FAM53B: variants seen among roughly 807,000 people sequenced by gnomAD.
The protein encoded by FAM53B is protein FAM53B.
Under a neutral mutation model 32.7 loss-of-function variants are expected in FAM53B, and 12 were observed. That is an observed-to-expected ratio of 0.37 (90% CI 0.24 to 0.59). The LOEUF (loss-of-function observed/expected upper bound fraction) is 0.59. Ranked by LOEUF, FAM53B falls within the 20% of genes least tolerant of loss-of-function variation. FAM53B has a pLI of 0.72. For synonymous variants in FAM53B, 234 were observed against 228.7 expected (o/e 1.02, Z -0.21); for missense variants, 477 against 577.7 (o/e 0.83, Z 1.79).
intron 4 of FAM53B, chr10:124,624,115 C>T (rs1351562670): frequency 6.5e-6 from 1 of 154,414 alleles, no homozygotes; most frequent in Non-Finnish European, 1.4e-5. Flanking sequence ...CAAGCAGGGA[C>T]CTCTATGCAA....
intron 4 of FAM53B, among the ~76,000 whole-genome samples, chr10:124,627,157 A>C (rs1589729373): frequency 6.6e-6 from 1 of 152,078 alleles, no homozygotes; most frequent in South Asian, 2.1e-4. Flanking sequence ...GGCGAGCCCC[A>C]CCTGTCAGGA....
intron 1 of FAM53B, among the ~76,000 whole-genome samples, chr10:124,709,993 T>TA (rs147211235): frequency 0.016 from 2,507 of 152,324 alleles, 59 homozygotes; most frequent in African/African-American, 0.056. Flanking sequence ...TTTTAGTTCT[T>TA]AAAAAACAGG....
At chr10:124,702,028 G>A (rs564586930) in intron 2 of FAM53B, among the ~76,000 whole-genome samples, 2 of 152,156 alleles carry the variant, frequency 1.3e-5, no homozygotes, top group Non-Finnish European at 2.9e-5. Flanking sequence ...CTCCTCCAGT[G>A]CCACATGACA....
In FAM53B at chr10:124,642,277, G is replaced by A. The variant is rs554279929; in HGVS notation, c.907-18673C>T. 3.3e-5 allele frequency among the ~76,000 whole-genome samples: 5 copies of A among 152,328 alleles called. No homozygotes were observed. The East Asian group carries it at 5.8e-4, about 18-fold the overall frequency. ...GTCCTAGAGATCTTAACAAAGGCAC[G>A]GGCTCCAGGGAAGGAGAGGACAGCC... On this transcript the variant is annotated intron_variant, in intron 4 of 4. Coordinates refer to ENST00000337318, the MANE Select transcript of FAM53B (RefSeq NM_014661.4).
chr10:124,694,450 C>A (rs2134076672), intron 3 of FAM53B, among the ~76,000 whole-genome samples: 1 of 152,364 alleles, frequency 6.6e-6, no homozygotes, highest in South Asian at 2.1e-4. Flanking sequence ...AAGGGCGACT[C>A]TCTCTGTCAT....
At chr10:124,709,506 G>A (rs189568504) in intron 1 of FAM53B, among the ~76,000 whole-genome samples, 218 of 152,264 alleles carry the variant, frequency 1.4e-3, no homozygotes, top group African/African-American at 5.0e-3. Context: ...TCCCTGCCCT[G>A]GGGGGTCTCA....
Position 124,724,822 on chromosome 10 carries a change from C to A in FAM53B, c.-174-17935G>T, listed in dbSNP as rs550559771. ...CACACAGCCCCATACGAGAATGTCACGATCATCTCAGACTCCCGAGTTACA... is the reference window on the plus strand; with the variant it reads ...CACACAGCCCCATACGAGAATGTCAAGATCATCTCAGACTCCCGAGTTACA... On this transcript the variant is annotated intron_variant, in intron 1 of 4. Transcript: ENST00000337318. Among the ~76,000 whole-genome samples, 4 of 152,324 alleles carry A rather than the reference C, an allele frequency of 2.6e-5. No homozygotes were observed. The East Asian group carries it at 7.7e-4, about 29-fold the overall frequency.
intron 1 of FAM53B, among the ~76,000 whole-genome samples, chr10:124,739,449 T>C (rs1950189166): frequency 6.6e-6 from 1 of 152,232 alleles, no homozygotes. Flanking sequence ...GCTAAATCCT[T>C]GGGAATCATA....
chr10:124,640,416 C>G (rs1256227390), intron 4 of FAM53B, among the ~76,000 whole-genome samples: 2 of 152,210 alleles, frequency 1.3e-5, no homozygotes, highest in Admixed American at 6.5e-5. Context: ...ACCAAGATGG[C>G]CCCTGAAGAA....
At chr10:124,695,065 C>T (rs1418806219) in intron 3 of FAM53B, among the ~76,000 whole-genome samples, 1 of 152,194 alleles carries the variant, frequency 6.6e-6, no homozygotes, top group South Asian at 2.1e-4. Flanking sequence ...TGACACATCA[C>T]CTCATCTATG....
At chr10:124,640,820 C>G (rs1466910683) in intron 4 of FAM53B, among the ~76,000 whole-genome samples, 1 of 152,172 alleles carries the variant, frequency 6.6e-6, no homozygotes, top group South Asian at 2.1e-4. Flanking sequence ...AATACAGCCC[C>G]GAGCGCAGGA....
At chr10:124,719,389 G>C (rs895200359) in intron 1 of FAM53B, among the ~76,000 whole-genome samples, 1 of 152,158 alleles carries the variant, frequency 6.6e-6, no homozygotes, top group Non-Finnish European at 1.5e-5. Context: ...GCCAACCAGA[G>C]TCACCCGGCT....
At chr10:124,654,253 T>C (rs954611392) in intron 4 of FAM53B, among the ~76,000 whole-genome samples, 1 of 152,248 alleles carries the variant, frequency 6.6e-6, no homozygotes, top group African/African-American at 2.4e-5. Flanking sequence ...TGCAACGCTA[T>C]GGTGCTCAGA....
intron 4 of FAM53B, among the ~76,000 whole-genome samples, chr10:124,634,605 G>A (rs138723416): frequency 4.6e-5 from 7 of 152,344 alleles, no homozygotes; most frequent in African/African-American, 7.2e-5. Flanking sequence ...CGCCATGACT[G>A]TAAGTTTCCA....
intron 4 of FAM53B, among the ~76,000 whole-genome samples, chr10:124,647,211 C>T (rs1346244714): frequency 6.6e-6 from 1 of 152,174 alleles, no homozygotes; most frequent in East Asian, 1.9e-4. Flanking sequence ...TATCACTGCC[C>T]TGAAGCTCTC....
intron 2 of FAM53B, 138 bp downstream of exon 2, chr10:124,706,498 C>A (rs1949959195): frequency 2.0e-6 from 2 of 1,013,398 alleles, no homozygotes; most frequent in Non-Finnish European, 3.0e-6. Flanking sequence ...GTTGCCCCAG[C>A]CCGGGACGCC....
intron 4 of FAM53B, among the ~76,000 whole-genome samples, chr10:124,660,869 GACA>G (rs1180706001): frequency 6.6e-6 from 1 of 152,184 alleles, no homozygotes; most frequent in African/African-American, 2.4e-5. Flanking sequence ...AGCAGCTGGA[GACA>G]ACATGTATGT....
chr10:124,682,315 G>T lies in FAM53B; in HGVS notation c.198C>A (p.Ser66Arg). ...CCTTTTCAGGCAGGCATTCCCAGAT[G>T]CTGGTGCTCGGTTGGTCAATCTGAA... ...CPLQIDQPST[S>R]IWECLPEKDS... is the part of the protein sequence containing the mutation. The change falls in exon 4 of 5, where the codon AGC (serine) becomes AGA (arginine). Residue 66 changes from serine to arginine, a missense_variant. By Grantham distance (110) the Ser-to-Arg change is moderately radical (BLOSUM62 -1). Transcript: ENST00000337318. The surrounding 1 kb of genome is among the most constrained non-coding windows in gnomAD (Gnocchi z 5.2). 1 of 1,613,842 alleles carries T rather than the reference G, an allele frequency of 6.2e-7. No homozygotes were observed. The highest frequency in any genetic ancestry group is 8.5e-7 in the Non-Finnish European group (1 of 1,179,962).
At chr10:124,666,966 T>A (rs1949676645) in intron 4 of FAM53B, among the ~76,000 whole-genome samples, 1 of 152,166 alleles carries the variant, frequency 6.6e-6, no homozygotes, top group African/African-American at 2.4e-5. Context: ...CTTTACCAGC[T>A]GGCATTGGGC....
Sources: allele counts gnomAD v4.1 joint callset (sites outside exome capture counted in the v4.1 genomes callset), GRCh38; gene constraint gnomAD v4.1.1; non-coding constraint Gnocchi (gnomAD v3.1); transcripts MANE v1.5; gene names NCBI Gene and HGNC (gene_info 2026-07-23, HGNC 2026-07-21).